NCEH1: variants seen among roughly 807,000 people sequenced by gnomAD.
NCEH1 encodes 2-acetyl MAGE hydrolase.
Under a neutral mutation model 25.4 loss-of-function variants are expected in NCEH1, and 9 were observed. The ratio of observed to expected loss-of-function variants is 0.35; its 90% CI spans 0.21 to 0.62. The LOEUF (loss-of-function observed/expected upper bound fraction) is 0.62, where lower values mean the gene tolerates loss of function less well. Ranked by LOEUF, NCEH1 falls within the 20% of genes least tolerant of loss-of-function variation. The pLI, the probability that NCEH1 is intolerant of heterozygous loss-of-function variation, is 0.72. For missense variants in NCEH1, 412 were observed against 501.1 expected (o/e 0.82, Z 1.70); for synonymous variants, 200 against 199.8 (o/e 1.00, Z -0.01).
chr3:172,642,358 G>C (rs1019200466), intron 3 of NCEH1, among the ~76,000 whole-genome samples: 1 of 151,698 alleles, frequency 6.6e-6, no homozygotes, highest in African/African-American at 2.4e-5. Flanking sequence ...TTAACTTTTT[G>C]TAAGACAGGG....
rs922268130 is a variant in NCEH1 at position 172,667,114 on chromosome 3, G to A, written c.139-19000C>T. ...CTAAAAATCAGGCTCTAGGCTACTT[G>A]TGTAAACAGGAGAGCTCTGTTTTCA... On this transcript the variant is annotated intron_variant, in intron 1 of 4. Coordinates refer to ENST00000475381, the MANE Select transcript of NCEH1 (RefSeq NM_020792.6). Among the ~76,000 whole-genome samples the A allele has an allele frequency of 6.6e-5, 10 of 152,188 alleles. No homozygotes were observed. In the East Asian group the frequency reaches 1.7e-3, roughly 26 times the overall value.
At chr3:172,651,312 C>T (rs1047731246) in intron 1 of NCEH1, among the ~76,000 whole-genome samples, 8 of 151,988 alleles carry the variant, frequency 5.3e-5, no homozygotes, top group Non-Finnish European at 8.8e-5. Flanking sequence ...ATCCAGTATG[C>T]GATAACATTT....
intron 1 of NCEH1, among the ~76,000 whole-genome samples, chr3:172,706,136 G>A (rs536879326): frequency 6.6e-6 from 1 of 151,836 alleles, no homozygotes; most frequent in East Asian, 1.9e-4. Flanking sequence ...CTCCCAAAGT[G>A]CTGGGGTTAC....
chr3:172,697,663 G>A lies in NCEH1; in HGVS notation c.138+13184C>T, dbSNP rs182231431. Among the ~76,000 whole-genome samples the A allele has an allele frequency of 2.7e-4, 41 of 152,200 alleles. No homozygotes were observed. In the East Asian group the frequency reaches 7.3e-3, roughly 27 times the overall value. On this transcript the variant is annotated intron_variant, in intron 1 of 4. Transcript: ENST00000475381. Reference sequence around the variant, plus strand: ...ACAACTAGCCACAAAAGAGCTGAGCGTGGAGGGAGAGGAGGGAGAAGGGGA... The same window carrying A: ...ACAACTAGCCACAAAAGAGCTGAGCATGGAGGGAGAGGAGGGAGAAGGGGA...
At chr3:172,664,305 T>C (rs573897645) in intron 1 of NCEH1, among the ~76,000 whole-genome samples, 40 of 152,352 alleles carry the variant, frequency 2.6e-4, no homozygotes, top group African/African-American at 9.4e-4. Context: ...TCGTCTGGCT[T>C]GTAGAGTTTC....
intron 1 of NCEH1, among the ~76,000 whole-genome samples, chr3:172,688,214 T>G (rs551666120): frequency 6.7e-6 from 1 of 149,486 alleles, no homozygotes; most frequent in East Asian, 2.0e-4. Context: ...CCTGTAATCC[T>G]GGCTAGTCAG....
chr3:172,691,745 C>A (rs112749397), intron 1 of NCEH1, among the ~76,000 whole-genome samples: 3 of 152,230 alleles, frequency 2.0e-5, no homozygotes, highest in Non-Finnish European at 2.9e-5. Context: ...GTCAGGAGAT[C>A]GAGACCATCC....
At chr3:172,638,943 T>TC (rs1229239743) in intron 3 of NCEH1, among the ~76,000 whole-genome samples, 1 of 152,140 alleles carries the variant, frequency 6.6e-6, no homozygotes, top group Non-Finnish European at 1.5e-5. Flanking sequence ...GCCTAACCCC[T>TC]CCCCTCATCT....
At chr3:172,700,892 T>G (rs1479549113) in intron 1 of NCEH1, among the ~76,000 whole-genome samples, 1 of 152,158 alleles carries the variant, frequency 6.6e-6, no homozygotes, top group Admixed American at 6.6e-5. Flanking sequence ...TGAGGTGATA[T>G]TAGTAAAAAC....
intron 1 of NCEH1, among the ~76,000 whole-genome samples, chr3:172,695,944 A>G (rs1025389787): frequency 7.2e-5 from 11 of 152,046 alleles, no homozygotes; most frequent in African/African-American, 2.4e-4. Flanking sequence ...CCTCTGTCTC[A>G]AAAAAATAAA....
chr3:172,666,538 A>G (rs1401525536), intron 1 of NCEH1, among the ~76,000 whole-genome samples: 1 of 152,028 alleles, frequency 6.6e-6, no homozygotes, highest in Admixed American at 6.6e-5. Context: ...TTCTTGCCTA[A>G]TAAACTCTCC....
chr3:172,640,657 G>A (rs1208718793), intron 3 of NCEH1, among the ~76,000 whole-genome samples: 3 of 152,112 alleles, frequency 2.0e-5, no homozygotes, highest in African/African-American at 7.2e-5. Context: ...ACAGGCGCCC[G>A]CCACCGCACC....
At chr3:172,676,423 G>A (rs1447022992) in intron 1 of NCEH1, among the ~76,000 whole-genome samples, 1 of 152,034 alleles carries the variant, frequency 6.6e-6, no homozygotes, top group Non-Finnish European at 1.5e-5. Context: ...ACATCATGGC[G>A]ATCCGTATTT....
At chr3:172,707,597 T>C (rs185312524) in intron 1 of NCEH1, among the ~76,000 whole-genome samples, 2 of 152,270 alleles carry the variant, frequency 1.3e-5, no homozygotes, top group African/African-American at 4.8e-5. Context: ...ATTATTATTA[T>C]TTTTTTGAGA....
rs1198343313 is a variant in NCEH1 at position 172,640,051 on chromosome 3, C to T, written c.438-3964G>A. ...CCAATGTGCTAAGAGGGTTGAAATG[C>T]GCAATTCTTCCTCAAAATAACCTAA... On this transcript the variant is annotated intron_variant, in intron 3 of 4. Transcript: ENST00000475381. Among the ~76,000 whole-genome samples the T allele has an allele frequency of 3.1e-4, 47 of 152,180 alleles. 1 individual carries two copies. The highest frequency in any genetic ancestry group is 3.0e-3 in the Admixed American group (46 of 15,276).
In NCEH1 at chr3:172,647,888, G is replaced by T. The variant is rs1450548652; in HGVS notation, c.365C>A (p.Ala122Glu). ...ATCTGAAGGTGACCAGGACGCACTT[G>T]CACTTGCCAAGGCCCAGCCTCCTCC... Reference protein sequence around the residue: ...IHGGGWALASAKIRYYDELCT... With the variant: ...IHGGGWALASEKIRYYDELCT... The change falls in exon 2 of 5, where the codon GCA becomes GAA. Residue 122 changes from alanine to glutamate, a missense_variant and splice_region_variant. Transcript: ENST00000475381. 6.2e-7 allele frequency: 1 copy of T among 1,614,014 alleles called. No individual in the cohort carries two copies. The highest frequency in any genetic ancestry group is 8.5e-7 in the Non-Finnish European group (1 of 1,180,028).
chr3:172,686,345 C>T (rs1004374237), intron 1 of NCEH1, among the ~76,000 whole-genome samples: 6 of 152,194 alleles, frequency 3.9e-5, no homozygotes, highest in South Asian at 2.1e-4. Flanking sequence ...TCCGGTCTTC[C>T]GCACACCAAA....
intron 1 of NCEH1, among the ~76,000 whole-genome samples, chr3:172,682,898 G>GA (rs1712467019): frequency 6.6e-6 from 1 of 152,182 alleles, no homozygotes. Flanking sequence ...ACATTGCTGT[G>GA]AAAATTATCA....
chr3:172,646,981 C>T (rs1027157411), intron 2 of NCEH1, among the ~76,000 whole-genome samples: 12 of 151,848 alleles, frequency 7.9e-5, no homozygotes, highest in South Asian at 2.1e-4. Flanking sequence ...CCCTTGGTCT[C>T]GGGCAAACCT....
Sources: gnomAD v4.1 joint callset for allele counts (sites outside exome capture counted in the v4.1 genomes callset) on GRCh38, gnomAD v4.1.1 for gene constraint, MANE v1.5 for transcripts, NCBI Gene and HGNC (gene_info 2026-07-23, HGNC 2026-07-21) for gene names.